NRXN1: variants seen among roughly 807,000 people sequenced by gnomAD.
The protein encoded by NRXN1 is neurexin 1.
In NRXN1, 39 loss-of-function variants were observed where a neutral mutation model predicts 150.9. The observed-to-expected ratio is 0.26, with a 90% confidence interval of 0.20 to 0.34. The LOEUF (loss-of-function observed/expected upper bound fraction) is 0.34, where lower values mean the gene tolerates loss of function less well. Ranked by LOEUF, NRXN1 falls within the 10% of genes least tolerant of loss-of-function variation. NRXN1 has a pLI of 1.00. For synonymous variants in NRXN1, 924 were observed against 757.0 expected, an observed-to-expected ratio of 1.22 and a Z score of -3.62; for missense variants, 1,815 against 1,949.9, an observed-to-expected ratio of 0.93 and a Z score of 1.30.
In NRXN1 at chr2:50,577,211, C is replaced by T. The variant is rs536363007; in HGVS notation, c.1321-24186G>A. Among the ~76,000 whole-genome samples, 61 of 151,940 alleles carry T rather than the reference C, an allele frequency of 4.0e-4. 2 individuals carry two copies. The South Asian group carries it at 8.5e-3, about 21-fold the overall frequency. ...GACAACTCTGAAACTATTATGGGGA[C>T]GTAAAAGATTAAATTAGAACATTCA... is the stretch of plus-strand genomic sequence containing the variant. On this transcript the variant is annotated intron_variant, in intron 8 of 22. Transcript: ENST00000401669.
chr2:50,647,506 C>G (rs1326877633), intron 5 of NRXN1, among the ~76,000 whole-genome samples: 1 of 151,920 alleles, frequency 6.6e-6, no homozygotes, highest in Admixed American at 6.6e-5. Flanking sequence ...ACATTCGACA[C>G]TGCTTGTGTA....
intron 2 of NRXN1, among the ~76,000 whole-genome samples, chr2:50,942,335 G>A (rs1395669915): frequency 1.3e-5 from 2 of 152,194 alleles, no homozygotes; most frequent in African/African-American, 4.8e-5. Context: ...CCCACAAAGA[G>A]TTGCCACTGA....
chr2:50,234,690 A>G (rs1256521751), intron 18 of NRXN1, among the ~76,000 whole-genome samples: 1 of 152,070 alleles, frequency 6.6e-6, no homozygotes, highest in Non-Finnish European at 1.5e-5. Flanking sequence ...GTATTTGAGA[A>G]GCCCAGGAGG....
chr2:50,012,111 G>A (rs1004814326), intron 21 of NRXN1, among the ~76,000 whole-genome samples: 1 of 151,970 alleles, frequency 6.6e-6, no homozygotes, highest in Admixed American at 6.6e-5. Flanking sequence ...TCATAAGGTT[G>A]GTAACAACAA....
chr2:50,115,409 A>T (rs1702926273), intron 18 of NRXN1, among the ~76,000 whole-genome samples: 1 of 151,834 alleles, frequency 6.6e-6, no homozygotes, highest in South Asian at 2.1e-4. Flanking sequence ...TCTTCAGCAC[A>T]AACTGATTTT....
intron 18 of NRXN1, among the ~76,000 whole-genome samples, chr2:50,136,155 T>G (rs1409516507): frequency 6.6e-6 from 1 of 152,234 alleles, no homozygotes; most frequent in East Asian, 1.9e-4. Flanking sequence ...CTTCATAAAA[T>G]AATTTATTTA....
intron 18 of NRXN1, among the ~76,000 whole-genome samples, chr2:50,129,859 T>C (rs1012182009): frequency 2.0e-5 from 3 of 152,200 alleles, no homozygotes; most frequent in Non-Finnish European, 4.4e-5. Flanking sequence ...TTTTTGAATT[T>C]TTACTTGAAT....
Position 50,518,031 on chromosome 2 carries a change from C to A in NRXN1, c.2374+10594G>T, listed in dbSNP as rs1172062559. Among the ~76,000 whole-genome samples, 8 of 152,178 alleles carry A rather than the reference C, an allele frequency of 5.3e-5. No homozygotes were observed. The South Asian group carries it at 1.7e-3, about 32-fold the overall frequency. ...CTTCATCTACTAAGAAACATTAAGC[C>A]TCTGTAGTTTTGTCATTGATTGTAC... On this transcript the variant is annotated intron_variant, in intron 12 of 22. Transcript: ENST00000401669.
intron 17 of NRXN1, among the ~76,000 whole-genome samples, chr2:50,306,617 G>T (rs1211490108): frequency 6.6e-6 from 1 of 152,142 alleles, no homozygotes; most frequent in Non-Finnish European, 1.5e-5. Flanking sequence ...CCCTTTCAAA[G>T]AAACATTTAC....
intron 5 of NRXN1, among the ~76,000 whole-genome samples, chr2:50,871,198 G>C (rs900674402): frequency 2.0e-5 from 3 of 151,692 alleles, no homozygotes; most frequent in South Asian, 4.2e-4. Context: ...TTTATTTTCA[G>C]TTTATCTTTA....
chr2:50,354,672 A>G (rs1255170139), intron 17 of NRXN1, among the ~76,000 whole-genome samples: 1 of 150,764 alleles, frequency 6.6e-6, no homozygotes, highest in African/African-American at 2.4e-5. Flanking sequence ...ATAAATCAGA[A>G]TTTATGATAA....
intron 21 of NRXN1, among the ~76,000 whole-genome samples, chr2:50,050,440 G>C (rs1340871215): frequency 1.3e-5 from 2 of 152,112 alleles, no homozygotes; most frequent in East Asian, 3.9e-4. Flanking sequence ...AAGTGGCTCA[G>C]TGTTATCACT....
chr2:50,097,642 CTTT>C (rs113108927), intron 18 of NRXN1, among the ~76,000 whole-genome samples: 1 of 144,860 alleles, frequency 6.9e-6, no homozygotes, highest in Non-Finnish European at 1.5e-5. Flanking sequence ...AGCCCAAACA[CTTT>C]TTTTTTTTTT....
intron 5 of NRXN1, among the ~76,000 whole-genome samples, chr2:50,653,330 C>A (rs1559078422): frequency 6.6e-6 from 1 of 152,074 alleles, no homozygotes; most frequent in African/African-American, 2.4e-5. Context: ...AAGTAACATA[C>A]AGAAACAACC....
chr2:50,580,880 A>T (rs922226199), intron 8 of NRXN1, among the ~76,000 whole-genome samples: 1 of 152,194 alleles, frequency 6.6e-6, no homozygotes, highest in African/African-American at 2.4e-5. Context: ...AATAATGGAG[A>T]GAAATTAAAT....
At chr2:50,997,943 G>A (rs749239195) in intron 2 of NRXN1, among the ~76,000 whole-genome samples, 1 of 141,568 alleles carries the variant, frequency 7.1e-6, no homozygotes, top group Non-Finnish European at 1.5e-5. Flanking sequence ...GAAGTGCCAT[G>A]ATGAGTTCCG....
intron 17 of NRXN1, among the ~76,000 whole-genome samples, chr2:50,357,208 G>A (rs1346640181): frequency 6.6e-6 from 1 of 152,070 alleles, no homozygotes; most frequent in African/African-American, 2.4e-5. Flanking sequence ...CAAGGCAGCA[G>A]TGAGTAATGA....
intron 7 of NRXN1, 89 bp from the exon 8 acceptor site, chr2:50,620,272 G>T (rs1679775157): frequency 2.9e-6 from 4 of 1,382,828 alleles, no homozygotes; most frequent in African/African-American, 1.5e-5. Flanking sequence ...TTTTGCTTTT[G>T]TTTTTTTGTT....
intron 1 of NRXN1, 21 bp downstream of exon 1, chr2:51,031,960 A>G (rs1281316871): frequency 6.6e-6 from 1 of 151,702 alleles, no homozygotes; most frequent in African/African-American, 2.4e-5. Context: ...CCTCCCCCCA[A>G]CCCAAATTGA....
Sources: gnomAD v4.1 joint callset for allele counts (sites outside exome capture counted in the v4.1 genomes callset) on GRCh38, gnomAD v4.1.1 for gene constraint, MANE v1.5 for transcripts, NCBI Gene and HGNC (gene_info 2026-07-23, HGNC 2026-07-21) for gene names.